The following ADCY2 variants were observed in gnomAD, a reference collection of about 807,000 sequenced individuals.
ADCY2 encodes the protein adenylate cyclase 2, also known as adenylate cyclase type 2.
In ADCY2, 31 loss-of-function variants were observed where a neutral mutation model predicts 125.2. The observed-to-expected ratio is 0.25, with a 90% confidence interval of 0.19 to 0.33. The LOEUF (loss-of-function observed/expected upper bound fraction) is 0.33. Among genes scored for constraint, ADCY2 ranks in the 10% least tolerant of loss-of-function variants. The pLI is 1.00. For missense variants in ADCY2, 904 were observed against 1,418.2 expected, an observed-to-expected ratio of 0.64 and a Z score of 5.82; for synonymous variants, 512 against 548.4, an observed-to-expected ratio of 0.93 and a Z score of 0.93.
chr5:7,425,207 G>A (rs531838881), intron 2 of ADCY2, among the ~76,000 whole-genome samples: 25 of 152,344 alleles, frequency 1.6e-4, no homozygotes, highest in Middle Eastern at 3.4e-3. Flanking sequence ...GATTTGCAGT[G>A]TTTTCCTGAA....
intron 5 of ADCY2, among the ~76,000 whole-genome samples, chr5:7,694,172 G>A (rs1218648386): frequency 2.0e-5 from 3 of 152,162 alleles, no homozygotes; most frequent in Non-Finnish European, 2.9e-5. Flanking sequence ...ACACATCCTG[G>A]GCTTAGCAGA....
intron 22 of ADCY2, among the ~76,000 whole-genome samples, chr5:7,811,340 A>C (rs576891085): frequency 6.6e-6 from 1 of 152,114 alleles, no homozygotes; most frequent in Admixed American, 6.5e-5. Context: ...ATCTCTACTA[A>C]AAATACAAAA....
At chr5:7,455,115 A>G (rs1741621149) in intron 2 of ADCY2, among the ~76,000 whole-genome samples, 1 of 152,158 alleles carries the variant, frequency 6.6e-6, no homozygotes, top group South Asian at 2.1e-4. Context: ...TTCTCGCTGC[A>G]CAAACTTAGC....
intron 7 of ADCY2, among the ~76,000 whole-genome samples, chr5:7,704,874 T>C (rs1056472128): frequency 7.0e-6 from 1 of 142,966 alleles, no homozygotes; most frequent in Non-Finnish European, 1.5e-5. Context: ...TGAGACTCCA[T>C]CTCCAAAAAA....
chr5:7,822,036 G>A (rs1745317882), intron 24 of ADCY2, among the ~76,000 whole-genome samples: 1 of 151,998 alleles, frequency 6.6e-6, no homozygotes, highest in Non-Finnish European at 1.5e-5. Context: ...AAGAAGGAAG[G>A]GTGCAAGAGT....
At chr5:7,520,644 G>A in intron 2 of ADCY2, 94 bp from the exon 3 acceptor site, 3 of 1,370,914 alleles carry the variant, frequency 2.2e-6, no homozygotes, top group South Asian at 2.5e-5. Context: ...CATGTCTCAT[G>A]CTGTTCTATG....
At chr5:7,799,554 T>A (rs1267527600) in intron 20 of ADCY2, 1 of 152,224 alleles carries the variant, frequency 6.6e-6, no homozygotes, top group African/African-American at 2.4e-5. Flanking sequence ...GGGTGATCAG[T>A]TTGTAGTCCA....
At chr5:7,732,883 C>T (rs971539588) in intron 14 of ADCY2, among the ~76,000 whole-genome samples, 5 of 152,164 alleles carry the variant, frequency 3.3e-5, no homozygotes, top group Non-Finnish European at 7.3e-5. Context: ...TGGCTCTAGT[C>T]TCAGAATTTG....
chr5:7,759,391 T>A (rs776015312), intron 16 of ADCY2, among the ~76,000 whole-genome samples: 27 of 152,192 alleles, frequency 1.8e-4, no homozygotes, highest in Non-Finnish European at 3.7e-4. Context: ...AAGGCTCATC[T>A]GTTGCTGGGG....
chr5:7,629,683 G>T (rs1455167117), intron 4 of ADCY2, among the ~76,000 whole-genome samples: 2 of 152,214 alleles, frequency 1.3e-5, no homozygotes, highest in African/African-American at 4.8e-5. Flanking sequence ...CTCGAGTTTT[G>T]ACTTTTGTCT....
At chr5:7,564,286 A>C (rs935431441) in intron 3 of ADCY2, among the ~76,000 whole-genome samples, 1 of 152,200 alleles carries the variant, frequency 6.6e-6, no homozygotes, top group Non-Finnish European at 1.5e-5. Flanking sequence ...TAGGTTAAGG[A>C]GATGGCAAAT....
intron 3 of ADCY2, among the ~76,000 whole-genome samples, chr5:7,523,813 G>C (rs1295357818): frequency 1.3e-5 from 2 of 152,156 alleles, no homozygotes; most frequent in Non-Finnish European, 1.5e-5. Flanking sequence ...TGTAAAATAA[G>C]GATACTGGCC....
chr5:7,707,382 G>C (rs1341202342), intron 8 of ADCY2, among the ~76,000 whole-genome samples: 3 of 152,136 alleles, frequency 2.0e-5, no homozygotes. Flanking sequence ...TTATTATACA[G>C]ATTAGCATAC....
At chr5:7,576,156 T>C (rs1270659108) in intron 3 of ADCY2, among the ~76,000 whole-genome samples, 1 of 152,136 alleles carries the variant, frequency 6.6e-6, no homozygotes, top group Non-Finnish European at 1.5e-5. Flanking sequence ...GAGCCGAAAA[T>C]GTTTTCTTTC....
intron 3 of ADCY2, among the ~76,000 whole-genome samples, chr5:7,550,042 A>C (rs1015311698): frequency 2.0e-5 from 3 of 152,132 alleles, no homozygotes; most frequent in Non-Finnish European, 4.4e-5. Context: ...GATATTTTGC[A>C]GATAGAACCC....
chr5:7,792,201 G>C (rs1002601088), intron 20 of ADCY2, among the ~76,000 whole-genome samples: 1 of 121,636 alleles, frequency 8.2e-6, no homozygotes, highest in African/African-American at 3.3e-5. Context: ...GAGAAACCCC[G>C]TCTCTACTAA....
intron 3 of ADCY2, among the ~76,000 whole-genome samples, chr5:7,543,023 C>T (rs960736853): frequency 6.6e-6 from 1 of 152,142 alleles, no homozygotes; most frequent in Non-Finnish European, 1.5e-5. Context: ...GGTGTGCAGA[C>T]TCTGTGGAGT....
At chr5:7,760,493 T>C (rs1743160732) in intron 16 of ADCY2, among the ~76,000 whole-genome samples, 1 of 151,994 alleles carries the variant, frequency 6.6e-6, no homozygotes, top group African/African-American at 2.4e-5. Context: ...CCGTCAGGAG[T>C]GTGTTCACCA....
intron 18 of ADCY2, among the ~76,000 whole-genome samples, chr5:7,774,107 C>G (rs1743639535): frequency 6.6e-6 from 1 of 152,172 alleles, no homozygotes; most frequent in Non-Finnish European, 1.5e-5. Flanking sequence ...CAGTACATGG[C>G]CACCTATTTC....
Sources: allele counts gnomAD v4.1 joint callset (sites outside exome capture counted in the v4.1 genomes callset), GRCh38; gene constraint gnomAD v4.1.1; transcripts MANE v1.5; gene names NCBI Gene and HGNC (gene_info 2026-07-23, HGNC 2026-07-21).